Variants in FAM135B observed in about 807,000 individuals in gnomAD.
FAM135B encodes the protein family with sequence similarity 135 member B, also known as protein FAM135B.
In FAM135B, 43 loss-of-function variants were observed where a neutral mutation model predicts 127.7. The observed-to-expected ratio is 0.34, with a 90% CI of 0.26 to 0.43. The LOEUF is 0.43. FAM135B is among the 20% of genes least tolerant of loss of function. The pLI is 1.00. For synonymous variants in FAM135B, 670 were observed against 665.1 expected (o/e 1.01, Z -0.11); for missense variants, 1,558 against 1,725.6 (o/e 0.90, Z 1.72).
At chr8:138,230,028 A>G (rs7009601) in intron 7 of FAM135B, among the ~76,000 whole-genome samples, 63,022 of 152,010 alleles carry the variant, frequency 0.41, 13,394 homozygotes, top group African/African-American at 0.44. Context: ...CACCACAGAA[A>G]GAGGTGGAGA....
chr8:138,250,205 T>C (rs1334402126), intron 6 of FAM135B, among the ~76,000 whole-genome samples: 1 of 151,512 alleles, frequency 6.6e-6, no homozygotes, highest in Non-Finnish European at 1.5e-5. Context: ...ATACAAAAAT[T>C]AGCTGGGCGT....
At chr8:138,409,204 C>T (rs547750042) in intron 1 of FAM135B, among the ~76,000 whole-genome samples, 1 of 152,096 alleles carries the variant, frequency 6.6e-6, no homozygotes, top group East Asian at 1.9e-4. Context: ...TATTAATTGG[C>T]CGATTTTCAG....
chr8:138,283,986 A>C (rs1824476535), intron 3 of FAM135B, among the ~76,000 whole-genome samples: 1 of 152,016 alleles, frequency 6.6e-6, no homozygotes, highest in African/African-American at 2.4e-5. Flanking sequence ...AGCTGGACAA[A>C]ACTGAGCATG....
chr8:138,335,187 T>G (rs1479095941), intron 2 of FAM135B, among the ~76,000 whole-genome samples: 3 of 152,158 alleles, frequency 2.0e-5, no homozygotes, highest in Non-Finnish European at 2.9e-5. Flanking sequence ...GGCAGGATTC[T>G]GAAAAGGAGT....
At chr8:138,281,144 T>C (rs538466735) in intron 3 of FAM135B, among the ~76,000 whole-genome samples, 2 of 152,288 alleles carry the variant, frequency 1.3e-5, no homozygotes, top group African/African-American at 2.4e-5. Flanking sequence ...ATTGCTCAAG[T>C]TGATTAAACT....
intron 9 of FAM135B, among the ~76,000 whole-genome samples, chr8:138,183,413 C>G (rs1379878933): frequency 6.6e-6 from 1 of 152,178 alleles, no homozygotes; most frequent in Non-Finnish European, 1.5e-5. Flanking sequence ...CTCTCATTAA[C>G]CCCTCTACAT....
intron 1 of FAM135B, among the ~76,000 whole-genome samples, chr8:138,392,487 T>C (rs554459030): frequency 5.9e-5 from 9 of 152,172 alleles, no homozygotes; most frequent in Non-Finnish European, 1.3e-4. Flanking sequence ...TTTCTGGAGC[T>C]TGGATCACTG....
chr8:138,261,547 C>T (rs766336722), intron 4 of FAM135B, among the ~76,000 whole-genome samples: 11 of 152,198 alleles, frequency 7.2e-5, no homozygotes, highest in Non-Finnish European at 1.6e-4. Flanking sequence ...CCACTCTGCC[C>T]CATTCCATTG....
chr8:138,131,217 G>A lies in FAM135B; in HGVS notation c.*1376C>T, dbSNP rs555066614. 6.6e-6 allele frequency: 1 copy of A among 152,320 alleles called. No individual in the cohort carries two copies. Among genetic ancestry groups the A allele is most frequent in the Admixed American group, 6.5e-5 (1 of 15,306 alleles). 9.4% of individuals were successfully genotyped at this position (152,320 alleles called of 1,614,324 possible). A position where few individuals can be genotyped will look rare whatever the true frequency, so the allele number is the denominator to read the frequency against. On this transcript the variant is annotated 3_prime_UTR_variant, in exon 20 of 20. Coordinates refer to ENST00000395297, the MANE Select transcript of FAM135B (RefSeq NM_015912.4). ...CTAGATGCGTTTCCACACTTCAGAA[G>A]GGATTTTTGCAGAAGCAGGAGCTTT...
At chr8:138,463,656 C>T (rs888345896) in intron 1 of FAM135B, among the ~76,000 whole-genome samples, 8 of 152,000 alleles carry the variant, frequency 5.3e-5, no homozygotes, top group African/African-American at 1.2e-4. Flanking sequence ...ACTCAGGAGG[C>T]GCGCAATGAG....
intron 1 of FAM135B, among the ~76,000 whole-genome samples, chr8:138,398,139 T>G (rs185031491): frequency 1.9e-3 from 286 of 152,268 alleles, no homozygotes; most frequent in Non-Finnish European, 3.4e-3. Context: ...TTGGGGAAGC[T>G]GCTTCACGCC....
chr8:138,259,954 G>A (rs1013999114), intron 4 of FAM135B, among the ~76,000 whole-genome samples: 6 of 152,198 alleles, frequency 3.9e-5, no homozygotes, highest in Admixed American at 2.0e-4. Flanking sequence ...GAGAGTTTGC[G>A]TAGCTTCAGA....
intron 1 of FAM135B, among the ~76,000 whole-genome samples, chr8:138,487,818 A>G (rs1381101421): frequency 6.6e-6 from 1 of 152,084 alleles, no homozygotes; most frequent in Non-Finnish European, 1.5e-5. Flanking sequence ...CCTCGCCAAC[A>G]AGGGGAAATC....
chr8:138,175,056 G>A (rs4272433), intron 11 of FAM135B, among the ~76,000 whole-genome samples: 89,725 of 151,568 alleles, frequency 0.59, 27,143 homozygotes, highest in East Asian at 0.98. Context: ...GATATAAGAA[G>A]TTCAGTAACT....
At chr8:138,349,935 C>T (rs1829666662) in intron 2 of FAM135B, among the ~76,000 whole-genome samples, 1 of 152,136 alleles carries the variant, frequency 6.6e-6, no homozygotes, top group African/African-American at 2.4e-5. Flanking sequence ...CAAGAATATC[C>T]ACATAGCTAA....
intron 8 of FAM135B, among the ~76,000 whole-genome samples, chr8:138,196,297 A>G (rs1029826881): frequency 1.3e-5 from 2 of 152,230 alleles, no homozygotes; most frequent in Non-Finnish European, 2.9e-5. Flanking sequence ...TCCTGCATGC[A>G]TAAGATTTGA....
intron 3 of FAM135B, among the ~76,000 whole-genome samples, chr8:138,306,783 C>T (rs962047570): frequency 6.6e-6 from 1 of 152,082 alleles, no homozygotes; most frequent in African/African-American, 2.4e-5. Flanking sequence ...GGGCTTTTGC[C>T]ATGTTGGCCA....
chr8:138,229,042 CGT>C (rs35367239), intron 7 of FAM135B, among the ~76,000 whole-genome samples: 52,105 of 150,794 alleles, frequency 0.35, 10,269 homozygotes, highest in African/African-American at 0.54. Context: ...AACACTCACA[CGT>C]GTGTGTGTGT....
intron 3 of FAM135B, among the ~76,000 whole-genome samples, chr8:138,293,227 T>G (rs950230179): frequency 2.0e-5 from 3 of 152,124 alleles, no homozygotes; most frequent in South Asian, 2.1e-4. Flanking sequence ...AATCCTTATC[T>G]CTCACCTTAT....
Sources: gnomAD v4.1 joint callset for allele counts (sites outside exome capture counted in the v4.1 genomes callset) on GRCh38, gnomAD v4.1.1 for gene constraint, MANE v1.5 for transcripts, NCBI Gene and HGNC (gene_info 2026-07-23, HGNC 2026-07-21) for gene names.